The following SORCS3 variants were observed in gnomAD, a reference collection of about 807,000 sequenced individuals.
SORCS3 encodes the protein VPS10 domain-containing receptor SorCS3.
Under a neutral mutation model 146.3 loss-of-function variants are expected in SORCS3, and 57 were observed. The observed-to-expected ratio is 0.39, with a 90% CI of 0.31 to 0.49. SORCS3 has a LOEUF of 0.49. SORCS3 is among the 20% of genes least tolerant of loss of function. The pLI is 0.92. For missense variants in SORCS3, 1,341 were observed against 1,575.5 expected (o/e 0.85, Z 2.52); for synonymous variants, 653 against 618.5 (o/e 1.06, Z -0.83).
chr10:105,251,160 G>A (rs1356254802), intron 22 of SORCS3, among the ~76,000 whole-genome samples: 1 of 152,202 alleles, frequency 6.6e-6, no homozygotes, highest in Admixed American at 6.5e-5. Flanking sequence ...TCACAGTTCT[G>A]CATGGCTGGG....
At chr10:104,802,344 G>A (rs1377266069) in intron 1 of SORCS3, among the ~76,000 whole-genome samples, 1 of 152,164 alleles carries the variant, frequency 6.6e-6, no homozygotes, top group Admixed American at 6.5e-5. Context: ...ATTTTATAGG[G>A]TTTATACAAA....
intron 3 of SORCS3, among the ~76,000 whole-genome samples, chr10:104,921,278 G>T (rs1410461033): frequency 6.6e-6 from 1 of 152,198 alleles, no homozygotes; most frequent in South Asian, 2.1e-4. Flanking sequence ...GCCTTAACTA[G>T]AGAGGAGCCT....
intron 6 of SORCS3, among the ~76,000 whole-genome samples, chr10:105,094,971 A>G (rs1001888065): frequency 1.3e-5 from 2 of 152,284 alleles, no homozygotes; most frequent in African/African-American, 2.4e-5. Flanking sequence ...CATGCTGCAC[A>G]CCAAGCCATC....
chr10:105,147,025 G>A (rs2056135932), intron 8 of SORCS3, among the ~76,000 whole-genome samples: 1 of 151,948 alleles, frequency 6.6e-6, no homozygotes, highest in Non-Finnish European at 1.5e-5. Flanking sequence ...TTCATTGGCA[G>A]CAGAACCTCC....
At chr10:105,028,988 C>T (rs2133694030) in intron 4 of SORCS3, among the ~76,000 whole-genome samples, 1 of 152,296 alleles carries the variant, frequency 6.6e-6, no homozygotes, top group Middle Eastern at 3.4e-3. Flanking sequence ...GCCACAACAG[C>T]TCAACTCTAA....
At chr10:104,889,906 C>T (rs1231905660) in intron 2 of SORCS3, among the ~76,000 whole-genome samples, 1 of 152,012 alleles carries the variant, frequency 6.6e-6, no homozygotes, top group Non-Finnish European at 1.5e-5. Context: ...GATGATAGTT[C>T]TTTCATCTGT....
At chr10:104,954,747 C>G (rs1211183388) in intron 3 of SORCS3, among the ~76,000 whole-genome samples, 3 of 152,110 alleles carry the variant, frequency 2.0e-5, no homozygotes, top group Non-Finnish European at 2.9e-5. Flanking sequence ...TAGCTGTTCA[C>G]CTGGTGGTGG....
Position 104,709,899 on chromosome 10 carries a change from T to TC in SORCS3, c.627+67945_627+67946insC, listed in dbSNP as rs2016392100. Reference sequence around the variant, plus strand: ...ACAAACTCAGGCAGTGGTGTTGGTTTTTTTTTTTTTAATTAAAAAAATTTT... The same window carrying TC: ...ACAAACTCAGGCAGTGGTGTTGGTTTCTTTTTTTTTTAATTAAAAAAATTTT... On this transcript the variant is annotated intron_variant, in intron 1 of 26. Coordinates refer to ENST00000369701, the MANE Select transcript of SORCS3 (RefSeq NM_014978.3). Among the ~76,000 whole-genome samples the TC allele has an allele frequency of 2.6e-5, 4 of 151,968 alleles. No individual in the cohort carries two copies. In the South Asian group the frequency reaches 8.3e-4, roughly 32 times the overall value.
chr10:104,862,565 A>T (rs1407833539), intron 2 of SORCS3, among the ~76,000 whole-genome samples: 2 of 151,980 alleles, frequency 1.3e-5, no homozygotes, highest in African/African-American at 2.4e-5. Flanking sequence ...GTATTTCTTC[A>T]TATGGACTTT....
At chr10:105,064,783 A>G (rs1233404938) in intron 5 of SORCS3, among the ~76,000 whole-genome samples, 1 of 152,160 alleles carries the variant, frequency 6.6e-6, no homozygotes, top group Non-Finnish European at 1.5e-5. Context: ...TGTTCTCTCC[A>G]GGCCCCCAGC....
intron 2 of SORCS3, among the ~76,000 whole-genome samples, chr10:104,872,044 T>G (rs1241867862): frequency 6.6e-6 from 1 of 152,108 alleles, no homozygotes; most frequent in African/African-American, 2.4e-5. Context: ...AGCCCAATAC[T>G]CATCTACCTG....
intron 1 of SORCS3, among the ~76,000 whole-genome samples, chr10:104,702,638 A>G (rs1200296413): frequency 1.3e-5 from 2 of 152,130 alleles, no homozygotes; most frequent in Non-Finnish European, 2.9e-5. Flanking sequence ...CAATGTTTGC[A>G]TTTTCATCTT....
chr10:105,161,090 T>C, intron 11 of SORCS3, among the ~76,000 whole-genome samples: 1 of 152,068 alleles, frequency 6.6e-6, no homozygotes, highest in African/African-American at 2.4e-5. Context: ...ACATTAAAGA[T>C]TTATTTTTGA....
intron 22 of SORCS3, among the ~76,000 whole-genome samples, chr10:105,252,509 A>G (rs1013459135): frequency 6.6e-6 from 1 of 152,250 alleles, no homozygotes; most frequent in South Asian, 2.1e-4. Flanking sequence ...CCAGCAAATA[A>G]TGTTTTAAAA....
At chr10:104,823,364 A>G (rs146438879) in intron 1 of SORCS3, among the ~76,000 whole-genome samples, 1 of 152,266 alleles carries the variant, frequency 6.6e-6, no homozygotes, top group African/African-American at 2.4e-5. Flanking sequence ...ATTAAAATGA[A>G]TTATACTAAC....
intron 11 of SORCS3, among the ~76,000 whole-genome samples, chr10:105,159,946 A>G (rs1199322683): frequency 6.6e-6 from 1 of 152,182 alleles, no homozygotes; most frequent in African/African-American, 2.4e-5. Flanking sequence ...TTGACACCAC[A>G]GTGGTATTAA....
At chr10:105,154,462 AT>A (rs2056191711) in intron 9 of SORCS3, among the ~76,000 whole-genome samples, 1 of 152,158 alleles carries the variant, frequency 6.6e-6, no homozygotes, top group African/African-American at 2.4e-5. Context: ...ACTCAAATTG[AT>A]TCCCAGAGGG....
chr10:105,190,292 A>G (rs2056507968), intron 14 of SORCS3, among the ~76,000 whole-genome samples: 1 of 152,244 alleles, frequency 6.6e-6, no homozygotes, highest in African/African-American at 2.4e-5. Flanking sequence ...ACTTTTCTGA[A>G]CCTCAGTTTC....
chr10:104,803,700 T>A (rs911965620), intron 1 of SORCS3, among the ~76,000 whole-genome samples: 3 of 152,198 alleles, frequency 2.0e-5, no homozygotes, highest in African/African-American at 7.2e-5. Flanking sequence ...ATGCGTTTAA[T>A]GTTTCTATGT....
Sources: allele counts gnomAD v4.1 joint callset (sites outside exome capture counted in the v4.1 genomes callset), GRCh38; gene constraint gnomAD v4.1.1; transcripts MANE v1.5; gene names NCBI Gene and HGNC (gene_info 2026-07-23, HGNC 2026-07-21).